The following WNK1 variants were observed in gnomAD, a reference collection of about 807,000 sequenced individuals.
WNK1 encodes WNK lysine deficient protein kinase 1.
Under a neutral mutation model 222.8 loss-of-function variants are expected in WNK1, and 38 were observed. The observed-to-expected ratio is 0.17, with a 90% CI of 0.13 to 0.22. The LOEUF (loss-of-function observed/expected upper bound fraction) is 0.22. WNK1 is among the 10% of genes least tolerant of loss of function. The pLI is 1.00. For missense variants in WNK1, 2,348 were observed against 2,918.4 expected, an observed-to-expected ratio of 0.80 and a Z score of 4.50; for synonymous variants, 1,090 against 1,092.9, an observed-to-expected ratio of 1.00 and a Z score of 0.05.
At chr12:862,413 A>G in intron 8 of WNK1, 143 bp downstream of exon 8, 2 of 925,378 alleles carry the variant, frequency 2.2e-6, no homozygotes, top group South Asian at 3.1e-5. Context: ...GCCTTATTAT[A>G]GAGTAGGATA....
At chr12:905,796 T>C (rs1010081200) in intron 26 of WNK1, among the ~76,000 whole-genome samples, 4 of 152,334 alleles carry the variant, frequency 2.6e-5, no homozygotes, top group East Asian at 1.9e-4. Context: ...TTTCCTGTAC[T>C]GTAGGGAGCT....
chr12:788,512 G>A (rs1944533196), intron 1 of WNK1, among the ~76,000 whole-genome samples: 1 of 152,186 alleles, frequency 6.6e-6, no homozygotes, highest in African/African-American at 2.4e-5. Flanking sequence ...TACCGGAAAT[G>A]ATTGTTCCCA....
intron 20 of WNK1, 110 bp downstream of exon 20, chr12:887,414 T>C (rs1161677255): frequency 1.1e-5 from 11 of 996,348 alleles, no homozygotes; most frequent in Non-Finnish European, 1.8e-5. Context: ...TTTGACTTAG[T>C]AACACCTTTC....
chr12:876,670 T>A (rs1031207126), intron 9 of WNK1, among the ~76,000 whole-genome samples: 1 of 152,182 alleles, frequency 6.6e-6, no homozygotes, highest in Non-Finnish European at 1.5e-5. Context: ...AGCACATACG[T>A]AAAAGGCTGT....
rs767776319 is a variant in WNK1 at position 881,995 on chromosome 12, A to G, written c.3294A>G (p.Thr1098=). The G allele has an allele frequency of 2.3e-5, 37 of 1,614,116 alleles. No individual in the cohort carries two copies. The highest frequency in any genetic ancestry group is 3.1e-5 in the Non-Finnish European group (36 of 1,180,052). Residue 1098 remains threonine, a synonymous_variant, in exon 14 of 28, where the codon ACA becomes ACG. Transcript: ENST00000315939. Reference sequence around the variant, plus strand: ...GTGGAAGGCATGAAGGAAGAACTACAAAACGGCATTACCGAAAATCTGTAA... The same window carrying G: ...GTGGAAGGCATGAAGGAAGAACTACGAAACGGCATTACCGAAAATCTGTAA... ...SSSGRHEGRT[T]KRHYRKSVRS... is the part of the protein sequence containing the mutation.
intron 4 of WNK1, among the ~76,000 whole-genome samples, chr12:856,455 AG>A (rs66536504): frequency 0.18 from 24,701 of 138,350 alleles, 2,150 homozygotes; most frequent in Middle Eastern, 0.23. Flanking sequence ...CTCCATCTCG[AG>A]GGAAAAAAAA....
At chr12:782,752 C>T (rs1464907229) in intron 1 of WNK1, among the ~76,000 whole-genome samples, 1 of 152,006 alleles carries the variant, frequency 6.6e-6, no homozygotes, top group Non-Finnish European at 1.5e-5. Flanking sequence ...GATCCACCTG[C>T]CTCAGCCTCC....
chr12:886,174 A>G, intron 19 of WNK1, 90 bp downstream of exon 19: 1 of 1,162,648 alleles, frequency 8.6e-7, no homozygotes, highest in East Asian at 2.6e-5. Flanking sequence ...CTTGTAAGTT[A>G]GAAACATATT....
intron 1 of WNK1, among the ~76,000 whole-genome samples, chr12:803,567 G>C (rs1312091672): frequency 6.6e-6 from 1 of 152,044 alleles, no homozygotes; most frequent in Admixed American, 6.6e-5. Context: ...TGGATCACCT[G>C]AGGTCAGGAG....
At chr12:852,404 A>T (rs1249902465) in intron 4 of WNK1, among the ~76,000 whole-genome samples, 1 of 152,204 alleles carries the variant, frequency 6.6e-6, no homozygotes, top group East Asian at 1.9e-4. Flanking sequence ...AGAAATACTT[A>T]TATTTAATGA....
rs1471745563 is a variant in WNK1, at chr12:904,463, G to A, written c.6644-3384G>A. On this transcript the variant is annotated intron_variant, in intron 26 of 27. Transcript: ENST00000315939. ...CTCTTTGTGCTTCAGGGAAGATGGTGAAAAAAGTCTGTCCTTGCAACCAGC... is the reference window on the plus strand; with the variant it reads ...CTCTTTGTGCTTCAGGGAAGATGGTAAAAAAAGTCTGTCCTTGCAACCAGC... 5 of 1,289,002 alleles carry A rather than the reference G, an allele frequency of 3.9e-6. No homozygotes were observed. In the East Asian group the frequency reaches 2.8e-4, roughly 71 times the overall value. The allele number at this position is 1,289,002 out of a possible 1,614,324, so 79.8% of individuals were successfully genotyped here.
At chr12:816,774 T>G (rs1947381015) in intron 2 of WNK1, among the ~76,000 whole-genome samples, 1 of 152,186 alleles carries the variant, frequency 6.6e-6, no homozygotes, top group African/African-American at 2.4e-5. Context: ...CCAAAGAAGA[T>G]GACCTCACAA....
At chr12:850,995 T>TA (rs1452755903) in intron 4 of WNK1, among the ~76,000 whole-genome samples, 4 of 152,096 alleles carry the variant, frequency 2.6e-5, no homozygotes, top group Non-Finnish European at 4.4e-5. Flanking sequence ...TGTTGATTTT[T>TA]AAAAAATGTT....
intron 26 of WNK1, chr12:904,368 C>T (rs552418716): frequency 1.0e-4 from 112 of 1,086,640 alleles, no homozygotes; most frequent in Non-Finnish European, 1.2e-4. Flanking sequence ...TCTTGCTGGG[C>T]GTTTGTGTGC....
chr12:877,853 T>G (rs893953997), intron 9 of WNK1, among the ~76,000 whole-genome samples: 2 of 152,138 alleles, frequency 1.3e-5, no homozygotes, highest in Non-Finnish European at 2.9e-5. Flanking sequence ...AGAGAGCTGA[T>G]GCCAAGAGAT....
chr12:761,494 G>A (rs917019953), intron 1 of WNK1, among the ~76,000 whole-genome samples: 3 of 147,984 alleles, frequency 2.0e-5, no homozygotes, highest in Non-Finnish European at 4.5e-5. Context: ...AGTCATTCCT[G>A]CAGATACCTT....
chr12:868,040 C>A, intron 8 of WNK1: 1 of 1,614,016 alleles, frequency 6.2e-7, no homozygotes, highest in Non-Finnish European at 8.5e-7. Flanking sequence ...CCAAACTCAC[C>A]ACTTCCAACC....
intron 1 of WNK1, among the ~76,000 whole-genome samples, chr12:808,890 A>G (rs1215435586): frequency 2.0e-5 from 3 of 151,602 alleles, no homozygotes; most frequent in Non-Finnish European, 4.4e-5. Context: ...CAGCCTCCCA[A>G]GTACCTCGGA....
chr12:818,723 A>G (rs1175753915), intron 2 of WNK1, among the ~76,000 whole-genome samples: 2 of 152,202 alleles, frequency 1.3e-5, no homozygotes, highest in African/African-American at 2.4e-5. Context: ...GACTCAAAGT[A>G]TGTTATGGAT....
Sources: gnomAD v4.1 joint callset for allele counts (sites outside exome capture counted in the v4.1 genomes callset) on GRCh38, gnomAD v4.1.1 for gene constraint, MANE v1.5 for transcripts, NCBI Gene and HGNC (gene_info 2026-07-23, HGNC 2026-07-21) for gene names.